The following SNRPN variants were observed in gnomAD, a reference collection of about 807,000 sequenced individuals.
SNRPN encodes small nuclear ribonucleoprotein-associated protein N.
A neutral mutation model predicts 25.2 loss-of-function variants in SNRPN; 7 were observed. The ratio of observed to expected loss-of-function variants is 0.28; its 90% CI spans 0.16 to 0.52. The LOEUF is 0.52. SNRPN is among the 20% of genes least tolerant of loss of function. SNRPN has a pLI of 0.96. For synonymous variants in SNRPN, 124 were observed against 110.6 expected, an observed-to-expected ratio of 1.12 and a Z score of -0.76; for missense variants, 196 against 322.5, an observed-to-expected ratio of 0.61 and a Z score of 3.00.
intron 2 of SNRPN, among the ~76,000 whole-genome samples, chr15:24,891,612 A>G (rs886775122): frequency 6.6e-6 from 1 of 151,938 alleles, no homozygotes; most frequent in African/African-American, 2.4e-5. Context: ...TAATTTTTGT[A>G]TTTTTAGTAG....
At chr15:24,843,107 C>T (rs1046931989) in intron 2 of SNRPN, among the ~76,000 whole-genome samples, 6 of 152,056 alleles carry the variant, frequency 3.9e-5, no homozygotes, top group Non-Finnish European at 5.9e-5. Flanking sequence ...GAGTTTCGCT[C>T]CTGTTGCCCA....
At chr15:24,909,520 A>T in intron 2 of SNRPN, 1 of 1,494,572 alleles carries the variant, frequency 6.7e-7, no homozygotes, top group East Asian at 2.3e-5. Flanking sequence ...GCGGCAGGCC[A>T]GTACAATATG....
At chr15:24,955,894 G>C (rs1375790612) in intron 1 of SNRPN, among the ~76,000 whole-genome samples, 4 of 151,950 alleles carry the variant, frequency 2.6e-5, no homozygotes, top group African/African-American at 9.7e-5. Flanking sequence ...GCTGTCCGGA[G>C]TGACTAAGGG....
At chr15:24,966,115 A>G (rs943998194) in intron 2 of SNRPN, among the ~76,000 whole-genome samples, 1 of 152,148 alleles carries the variant, frequency 6.6e-6, no homozygotes, top group African/African-American at 2.4e-5. Flanking sequence ...TGCCCTCCAG[A>G]ACATTCCCCT....
At chr15:24,909,862 A>G in intron 2 of SNRPN, 1 of 834,690 alleles carries the variant, frequency 1.2e-6, no homozygotes, top group Non-Finnish European at 2.0e-6. Context: ...AGCTCAACAG[A>G]GACCAGCAGG....
intron 2 of SNRPN, among the ~76,000 whole-genome samples, chr15:24,917,280 T>G (rs1202573015): frequency 6.6e-6 from 1 of 152,220 alleles, no homozygotes; most frequent in African/African-American, 2.4e-5. Context: ...CTTTGAGATC[T>G]ATGATGTCAT....
chr15:24,903,749 C>G (rs1241511033), intron 2 of SNRPN, among the ~76,000 whole-genome samples: 3 of 152,138 alleles, frequency 2.0e-5, no homozygotes, highest in Admixed American at 6.6e-5. Flanking sequence ...GAAGAAAGAT[C>G]AGGGCCAAGC....
chr15:24,876,018 C>T (rs1024912332), intron 1 of SNRPN, among the ~76,000 whole-genome samples: 4 of 149,554 alleles, frequency 2.7e-5, no homozygotes, highest in Admixed American at 2.0e-4. Context: ...TGTGCCACTG[C>T]ACTCCAGCTT....
chr15:24,976,339 A>G lies in SNRPN; in HGVS notation c.190A>G (p.Lys64Glu). 1 of 1,613,598 alleles carries G rather than the reference A, an allele frequency of 6.2e-7. No individual in the cohort carries two copies. The highest frequency in any genetic ancestry group is 8.5e-7 in the Non-Finnish European group (1 of 1,179,920). ...KNAKQPEREE[K>E]RVLGLVLLRG... is the part of the protein sequence containing the mutation. ...TGCGAAGCAACCAGAGCGTGAAGAAAAGCGGGTTTTGGGTCTGGTGTTGCT... is the reference window on the plus strand; with the variant it reads ...TGCGAAGCAACCAGAGCGTGAAGAAGAGCGGGTTTTGGGTCTGGTGTTGCT... The change falls in exon 6 of 10, where the codon AAG (lysine) becomes GAG (glutamate). Residue 64 changes from lysine (K) to glutamate (E), a missense_variant. By Grantham distance (56) the Lys-to-Glu change is moderately conservative (BLOSUM62 1). Transcript: ENST00000390687.
chr15:24,910,639 C>T (rs183447305), intron 2 of SNRPN, among the ~76,000 whole-genome samples: 105 of 152,066 alleles, frequency 6.9e-4, no homozygotes, highest in African/African-American at 2.5e-3. Context: ...GGATTACAGG[C>T]GCCCGCCACC....
intron 3 of SNRPN, among the ~76,000 whole-genome samples, chr15:24,973,149 A>G (rs1193949136): frequency 6.6e-6 from 1 of 151,680 alleles, no homozygotes; most frequent in Non-Finnish European, 1.5e-5. Flanking sequence ...TCGGTTTCCC[A>G]AAGTGTTGGG....
chr15:24,963,312 A>G (rs944625873), intron 2 of SNRPN, among the ~76,000 whole-genome samples: 5 of 152,230 alleles, frequency 3.3e-5, no homozygotes, highest in African/African-American at 7.2e-5. Context: ...TGAAAAGAAC[A>G]GTCACTTTGA....
intron 2 of SNRPN, among the ~76,000 whole-genome samples, chr15:24,899,261 T>G (rs558979729): frequency 2.0e-5 from 3 of 152,346 alleles, no homozygotes; most frequent in Admixed American, 6.5e-5. Flanking sequence ...ACCATCACTA[T>G]GTTTGAAGAT....
At chr15:24,951,014 A>T (rs1052027734), upstream of SNRPN, among the ~76,000 whole-genome samples, 6 of 151,822 alleles carry the variant, frequency 4.0e-5, no homozygotes, top group Admixed American at 3.3e-4. Context: ...GCCCGCCACC[A>T]TGCCTGGCTA....
chr15:24,831,363 T>C (rs951439046), intron 2 of SNRPN, among the ~76,000 whole-genome samples: 5 of 152,206 alleles, frequency 3.3e-5, no homozygotes, highest in Admixed American at 2.0e-4. Flanking sequence ...ATTTGAGGTA[T>C]TGACTATGTA....
intron 2 of SNRPN, among the ~76,000 whole-genome samples, chr15:24,888,461 T>G (rs951856974): frequency 1.4e-4 from 21 of 152,184 alleles, no homozygotes; most frequent in African/African-American, 5.1e-4. Context: ...CAACATCAGT[T>G]TTGTAATAGT....
At chr15:24,972,219 G>A (rs903313832) in intron 3 of SNRPN, among the ~76,000 whole-genome samples, 1 of 146,614 alleles carries the variant, frequency 6.8e-6, no homozygotes, top group Non-Finnish European at 1.5e-5. Context: ...TCACTCCATT[G>A]CACTCCAGCC....
chr15:24,975,602 G>A lies in SNRPN; in HGVS notation c.155+93G>A, dbSNP rs558515721. On this transcript the variant is annotated intron_variant, in intron 5 of 9. Transcript: ENST00000390687. ...TAAGGGATTTCCGAGGGTAACTGAA[G>A]TAGTTAGGGAAACTATGGTAGAGCC... 208 of 1,037,500 alleles carry A rather than the reference G, an allele frequency of 2.0e-4. No individual in the cohort carries two copies. The African/African-American group carries it at 2.8e-3, about 14-fold the overall frequency. The allele number at this position is 1,037,500 out of a possible 1,614,324, so 64.3% of individuals were successfully genotyped here.
chr15:24,879,253 G>A (rs1213937265), intron 1 of SNRPN, among the ~76,000 whole-genome samples: 1 of 151,980 alleles, frequency 6.6e-6, no homozygotes, highest in Non-Finnish European at 1.5e-5. Context: ...TGGGCAACAC[G>A]GTGAAACCTC....
Sources: gnomAD v4.1 joint callset for allele counts (sites outside exome capture counted in the v4.1 genomes callset) on GRCh38, gnomAD v4.1.1 for gene constraint, MANE v1.5 for transcripts, NCBI Gene and HGNC (gene_info 2026-07-23, HGNC 2026-07-21) for gene names.